Variants in FSHR observed in about 807,000 individuals in gnomAD.
The protein encoded by FSHR is follicle-stimulating hormone receptor.
FSHR carries 46 observed loss-of-function variants against 52.1 expected under a neutral mutation model. That is an observed-to-expected ratio of 0.88 (90% CI 0.70 to 1.13). FSHR has a LOEUF of 1.13. FSHR is among the 50% of genes most tolerant of loss of function. The pLI, the probability that FSHR is intolerant of heterozygous loss-of-function variation, is 0.00. For synonymous variants in FSHR, 399 were observed against 309.6 expected (o/e 1.29, Z -3.03); for missense variants, 964 against 834.6 (o/e 1.16, Z -1.91).
intron 1 of FSHR, among the ~76,000 whole-genome samples, chr2:49,110,214 T>G (rs565824017): frequency 9.7e-4 from 147 of 152,300 alleles, no homozygotes; most frequent in Non-Finnish European, 1.7e-3. Flanking sequence ...CTTTATTAGC[T>G]TATTTAATCC....
rs116637947 is a variant in FSHR, at chr2:49,041,356, C to G, written c.225-21196G>C. Among the ~76,000 whole-genome samples, 719 of 152,300 alleles carry G rather than the reference C, an allele frequency of 4.7e-3. 11 individuals are homozygous for G. Among genetic ancestry groups the G allele is most frequent in the African/African-American group, 0.016 (676 of 41,558 alleles). On this transcript the variant is annotated intron_variant, in intron 2 of 9. Coordinates refer to ENST00000406846, the MANE Select transcript of FSHR (RefSeq NM_000145.4). ...CGCCTTTGCTGTTTCTGAAAAGAGA[C>G]AGCAAGCCTTTTTGCTTAGCCTAGC...
chr2:49,093,285 A>G (rs1035499488), intron 1 of FSHR, among the ~76,000 whole-genome samples: 1 of 152,224 alleles, frequency 6.6e-6, no homozygotes, highest in African/African-American at 2.4e-5. Context: ...TTGCTGAGAT[A>G]GGAGTGTTAA....
chr2:49,149,614 A>G (rs895165492), intron 1 of FSHR, among the ~76,000 whole-genome samples: 1 of 152,070 alleles, frequency 6.6e-6, no homozygotes, highest in Non-Finnish European at 1.5e-5. Flanking sequence ...GCCTTGGTAT[A>G]GCAAAGGCTA....
At chr2:49,079,165 G>A (rs982915918) in intron 1 of FSHR, among the ~76,000 whole-genome samples, 1 of 151,768 alleles carries the variant, frequency 6.6e-6, no homozygotes, top group Non-Finnish European at 1.5e-5. Context: ...CAAGAAATTA[G>A]TCTAAGAAAA....
At chr2:49,123,879 G>A (rs1482406921) in intron 1 of FSHR, among the ~76,000 whole-genome samples, 1 of 152,162 alleles carries the variant, frequency 6.6e-6, no homozygotes, top group Non-Finnish European at 1.5e-5. Context: ...ACATACTAGG[G>A]TATGTGGCTT....
chr2:48,993,564 T>G (rs1387105231), intron 4 of FSHR, among the ~76,000 whole-genome samples: 2 of 152,182 alleles, frequency 1.3e-5, no homozygotes, highest in African/African-American at 4.8e-5. Context: ...TTCCAATCCA[T>G]TCTCCATACA....
intron 6 of FSHR, among the ~76,000 whole-genome samples, chr2:48,985,024 C>G (rs1434521834): frequency 6.6e-6 from 1 of 152,126 alleles, no homozygotes; most frequent in Non-Finnish European, 1.5e-5. Flanking sequence ...GTGGGAATCT[C>G]AAGCTAGTAA....
chr2:49,031,030 T>A (rs1572656511), intron 2 of FSHR, among the ~76,000 whole-genome samples: 1 of 152,354 alleles, frequency 6.6e-6, no homozygotes, highest in East Asian at 1.9e-4. Flanking sequence ...ATGTTAGTGA[T>A]CCAGCCAGTT....
At chr2:49,021,863 C>CTCTCTCTCTATA (rs1467766420) in intron 2 of FSHR, among the ~76,000 whole-genome samples, 1 of 49,868 alleles carries the variant, frequency 2.0e-5, no homozygotes, top group Admixed American at 2.3e-4. Flanking sequence ...CTCTCTCTCT[C>CTCTCTCTCTATA]TATATATATA....
intron 1 of FSHR, among the ~76,000 whole-genome samples, chr2:49,095,980 G>A (rs796335135): frequency 2.0e-5 from 3 of 152,142 alleles, no homozygotes; most frequent in South Asian, 4.1e-4. Context: ...GTGTTGATGA[G>A]GATGAAGATA....
chr2:49,072,304 T>A (rs753967539), intron 1 of FSHR, among the ~76,000 whole-genome samples: 1 of 152,164 alleles, frequency 6.6e-6, no homozygotes, highest in Non-Finnish European at 1.5e-5. Context: ...ATCGCAATTA[T>A]AATTAGGAAT....
At chr2:49,005,507 T>C (rs12713031) in intron 4 of FSHR, among the ~76,000 whole-genome samples, 117,288 of 152,006 alleles carry the variant, frequency 0.77, 45,340 homozygotes, top group Admixed American at 0.84. Context: ...ACTATAATGA[T>C]AGTCCTGCAT....
At chr2:48,979,290 A>T (rs1675132128) in intron 8 of FSHR, among the ~76,000 whole-genome samples, 1 of 152,116 alleles carries the variant, frequency 6.6e-6, no homozygotes, top group Non-Finnish European at 1.5e-5. Flanking sequence ...GCAACAAAAA[A>T]AATGGCCAGG....
At chr2:49,072,783 T>A (rs1019882404) in intron 1 of FSHR, among the ~76,000 whole-genome samples, 3 of 152,124 alleles carry the variant, frequency 2.0e-5, no homozygotes, top group African/African-American at 4.8e-5. Flanking sequence ...CTAAAATGGT[T>A]TCATGGACTC....
intron 2 of FSHR, among the ~76,000 whole-genome samples, chr2:49,058,384 T>C (rs1669146948): frequency 2.0e-5 from 3 of 151,894 alleles, no homozygotes; most frequent in South Asian, 2.1e-4. Context: ...CTGTCTCTAC[T>C]AAAATACAAA....
At chr2:49,085,140 A>G (rs1243300356) in intron 1 of FSHR, among the ~76,000 whole-genome samples, 2 of 151,740 alleles carry the variant, frequency 1.3e-5, no homozygotes, top group Non-Finnish European at 3.0e-5. Context: ...CAAAAAGCTT[A>G]TCCACCATGA....
chr2:49,057,949 A>G (rs564923178), intron 2 of FSHR, among the ~76,000 whole-genome samples: 19 of 152,332 alleles, frequency 1.2e-4, no homozygotes, highest in Admixed American at 5.9e-4. Context: ...TAGAAAAAGC[A>G]TTTGGTAAAA....
chr2:49,054,786 A>C (rs554216940), intron 2 of FSHR, among the ~76,000 whole-genome samples: 6 of 152,330 alleles, frequency 3.9e-5, no homozygotes, highest in African/African-American at 1.4e-4. Flanking sequence ...CATGGATTAC[A>C]GAAAAAGAAA....
At chr2:48,988,106 A>C (rs1675601368) in intron 6 of FSHR, among the ~76,000 whole-genome samples, 1 of 152,132 alleles carries the variant, frequency 6.6e-6, no homozygotes, top group East Asian at 1.9e-4. Flanking sequence ...TAATCTGTCT[A>C]CTATTTCTTT....
Sources: allele counts gnomAD v4.1 joint callset (sites outside exome capture counted in the v4.1 genomes callset), GRCh38; gene constraint gnomAD v4.1.1; transcripts MANE v1.5; gene names NCBI Gene and HGNC (gene_info 2026-07-23, HGNC 2026-07-21).